The following JAKMIP3 variants were observed in gnomAD, a reference collection of about 807,000 sequenced individuals.
JAKMIP3 encodes Janus kinase and microtubule interacting protein 3, also known as janus kinase and microtubule-interacting protein 3.
In JAKMIP3, 58 loss-of-function variants were observed where a neutral mutation model predicts 118.5. The observed-to-expected ratio is 0.49, with a 90% CI of 0.40 to 0.61. The LOEUF (loss-of-function observed/expected upper bound fraction) is 0.61. Among genes scored for constraint, JAKMIP3 ranks in the 20% least tolerant of loss-of-function variants. The probability of loss-of-function intolerance (pLI) is 0.00; values close to 1 mark genes in which losing one functional copy is unlikely to be tolerated. For synonymous variants in JAKMIP3, 486 were observed against 451.2 expected, an observed-to-expected ratio of 1.08 and a Z score of -0.98; for missense variants, 950 against 1,109.0, an observed-to-expected ratio of 0.86 and a Z score of 2.04.
intron 3 of JAKMIP3, among the ~76,000 whole-genome samples, chr10:132,127,409 T>TGTGTGTGTGTGTGTGTGC (rs1554941605): frequency 1.3e-5 from 2 of 150,976 alleles, no homozygotes; most frequent in African/African-American, 4.9e-5. Flanking sequence ...TGTGTGTGTG[T>TGTGTGTGTGTGTGTGTGC]GTGTGTGTGC....
At chr10:132,157,583 C>T (rs1008147114) in intron 19 of JAKMIP3, among the ~76,000 whole-genome samples, 3 of 152,194 alleles carry the variant, frequency 2.0e-5, no homozygotes, top group African/African-American at 2.4e-5. Flanking sequence ...ACTTGCAGCC[C>T]AAACTTCCAC....
intron 3 of JAKMIP3, among the ~76,000 whole-genome samples, chr10:132,120,317 G>A (rs2048343189): frequency 6.6e-6 from 1 of 152,196 alleles, no homozygotes; most frequent in South Asian, 2.1e-4. Flanking sequence ...TCCTGCGGGG[G>A]AGGGATTGGC....
Position 132,140,557 on chromosome 10 carries a change from C to A in JAKMIP3, c.1451C>A (p.Thr484Asn). 1 of 1,603,444 alleles carries A rather than the reference C, an allele frequency of 6.2e-7. No homozygotes were observed. The highest frequency in any genetic ancestry group is 8.5e-7 in the Non-Finnish European group (1 of 1,178,004). ...QTDRTDQTPC[T>N]PDDDLEEGMA... Reference sequence around the variant, plus strand: ...GACAGGACGGACCAGACCCCGTGCACCCCGGACGATGACTTGGAGGAGGTA... The same window carrying A: ...GACAGGACGGACCAGACCCCGTGCAACCCGGACGATGACTTGGAGGAGGTA... The change falls in exon 10 of 24, where the codon ACC becomes AAC. Residue 484 changes from threonine (T) to asparagine (N), a missense_variant. Thr to Asn is a moderately conservative substitution (Grantham distance 65). Coordinates refer to ENST00000684848, the MANE Select transcript of JAKMIP3 (RefSeq NM_001323087.2).
At chr10:132,064,072 G>A (rs544437947), upstream of JAKMIP3, among the ~76,000 whole-genome samples, 1 of 152,164 alleles carries the variant, frequency 6.6e-6, no homozygotes, top group African/African-American at 2.4e-5. This position sits in a 1 kb window ranked among gnomAD's most constrained non-coding sequence, Gnocchi z 4.4. Flanking sequence ...TTGGACTGGG[G>A]ACATTTTTAA....
intron 1 of JAKMIP3, among the ~76,000 whole-genome samples, chr10:132,068,141 G>A (rs1489366571): frequency 2.0e-5 from 3 of 148,612 alleles, no homozygotes; most frequent in Non-Finnish European, 4.4e-5. Context: ...GGACTGGACT[G>A]TGGGTTTCTG....
intron 21 of JAKMIP3, 51 bp downstream of exon 21, chr10:132,164,786 A>C: frequency 2.5e-6 from 3 of 1,207,570 alleles, no homozygotes; most frequent in African/African-American, 1.5e-5. Flanking sequence ...AGGGAGAGGA[A>C]CCCGGTGTCA....
At chr10:132,050,802 C>G (rs1258259133) in intron 1 of JAKMIP3, among the ~76,000 whole-genome samples, 2 of 152,224 alleles carry the variant, frequency 1.3e-5, no homozygotes, top group African/African-American at 2.4e-5. Context: ...CCACATGCAC[C>G]ATTTTGGATG....
chr10:132,064,942 G>A (rs545027505), upstream of JAKMIP3, among the ~76,000 whole-genome samples: 70 of 152,296 alleles, frequency 4.6e-4, no homozygotes, highest in East Asian at 0.011. This position sits in a 1 kb window ranked among gnomAD's most constrained non-coding sequence, Gnocchi z 4.4. Context: ...GTTGTGGGGG[G>A]CAGGCAGGGT....
At position 132,145,503 on chromosome 10, in the gene JAKMIP3, A is replaced by T. The variant is rs200185848; in HGVS notation, c.1687-15A>T. On this transcript the variant is annotated splice_polypyrimidine_tract_variant and intron_variant, in intron 12 of 23. Coordinates refer to ENST00000684848, the MANE Select transcript of JAKMIP3 (RefSeq NM_001323087.2). ...CTCCCTCAGTGTCTTTATTTCTTTC[A>T]ATTCCATTTGCAAGGATATGAAGTG... 16 of 1,552,174 alleles carry T rather than the reference A, an allele frequency of 1.0e-5. No individual in the cohort carries two copies. The East Asian group carries it at 3.9e-4, about 38-fold the overall frequency.
chr10:132,079,684 A>G lies in JAKMIP3; in HGVS notation c.-138+13623A>G, dbSNP rs141676408. On this transcript the variant is annotated intron_variant, in intron 1 of 23. Coordinates refer to ENST00000684848, the MANE Select transcript of JAKMIP3 (RefSeq NM_001323087.2). ...GTATATTCACATTATTGTGAAACCA[A>G]TATCCAGAACTTTCTCATCTTGTAA... is the stretch of plus-strand genomic sequence containing the variant. Among the ~76,000 whole-genome samples the G allele has an allele frequency of 3.3e-5, 5 of 152,334 alleles. No individual in the cohort carries two copies. The East Asian group carries it at 9.7e-4, about 29-fold the overall frequency.
chr10:132,104,215 C>T (rs530269359), intron 1 of JAKMIP3, among the ~76,000 whole-genome samples: 8 of 152,232 alleles, frequency 5.3e-5, no homozygotes, highest in African/African-American at 1.2e-4. Context: ...CCCTGCTTTC[C>T]GCACTTCTGG....
At chr10:132,111,754 C>A (rs1429938989) in intron 2 of JAKMIP3, among the ~76,000 whole-genome samples, 2 of 152,108 alleles carry the variant, frequency 1.3e-5, no homozygotes, top group South Asian at 4.1e-4. Flanking sequence ...GACCTGACTT[C>A]TATTTGCATA....
chr10:132,058,019 G>A (rs987623570), intron 1 of JAKMIP3, among the ~76,000 whole-genome samples: 4 of 152,314 alleles, frequency 2.6e-5, no homozygotes, highest in Middle Eastern at 3.4e-3. Context: ...GGCCCCTGAC[G>A]ACTCAAGTCC....
intron 1 of JAKMIP3, among the ~76,000 whole-genome samples, chr10:132,068,633 C>A (rs2039321427): frequency 6.6e-6 from 1 of 152,172 alleles, no homozygotes; most frequent in South Asian, 2.1e-4. Flanking sequence ...TGTCCTGCAC[C>A]TTAGCCCCAG....
rs1171791727 is a variant in JAKMIP3, at chr10:132,078,406, C to T, written c.-138+12345C>T. Among the ~76,000 whole-genome samples the T allele has an allele frequency of 2.0e-5, 3 of 152,120 alleles. No individual in the cohort carries two copies. The East Asian group carries it at 5.8e-4, about 29-fold the overall frequency. ...TAAGCCTAGAAAGGCCTCTCCTCTC[C>T]AGAGATTTGAAAAATGCTCGCTTTT... On this transcript the variant is annotated intron_variant, in intron 1 of 23. Coordinates refer to ENST00000684848, the MANE Select transcript of JAKMIP3 (RefSeq NM_001323087.2).
At chr10:132,175,578 G>T (rs1038933462) in intron 23 of JAKMIP3, among the ~76,000 whole-genome samples, 1 of 152,114 alleles carries the variant, frequency 6.6e-6, no homozygotes, top group Non-Finnish European at 1.5e-5. Flanking sequence ...GGCCACTCAG[G>T]GTCTGGAAGC....
intron 9 of JAKMIP3, among the ~76,000 whole-genome samples, chr10:132,139,846 C>T (rs942909047): frequency 4.6e-5 from 7 of 152,050 alleles, no homozygotes; most frequent in Non-Finnish European, 1.0e-4. Context: ...ACTGTGGCCA[C>T]GGCAGAAGGG....
At position 132,112,084 on chromosome 10, in the gene JAKMIP3, G is replaced by A. The variant is rs1193970079; in HGVS notation, c.136-4993G>A. ...CATGGGATGCTCCAGGCTTGGGTCT[G>A]AGCAGCAGTGGCCGGGCTGCCCTTT... On this transcript the variant is annotated intron_variant, in intron 2 of 23. Coordinates refer to ENST00000684848, the MANE Select transcript of JAKMIP3 (RefSeq NM_001323087.2). This position sits in a 1 kb window ranked among gnomAD's most constrained non-coding sequence, Gnocchi z 4.3. Among the ~76,000 whole-genome samples, 3 of 152,138 alleles carry A rather than the reference G, an allele frequency of 2.0e-5. No individual in the cohort carries two copies. The highest frequency in any genetic ancestry group is 7.2e-5 in the African/African-American group (3 of 41,412).
At chr10:132,072,583 CTA>C (rs1308868745) in intron 1 of JAKMIP3, among the ~76,000 whole-genome samples, 2 of 152,036 alleles carry the variant, frequency 1.3e-5, no homozygotes, top group Non-Finnish European at 2.9e-5. Context: ...TGCCTTTCAA[CTA>C]TGTTGTTTAG....
Sources: allele counts gnomAD v4.1 joint callset (sites outside exome capture counted in the v4.1 genomes callset), GRCh38; gene constraint gnomAD v4.1.1; non-coding constraint Gnocchi (gnomAD v3.1); transcripts MANE v1.5; gene names NCBI Gene and HGNC (gene_info 2026-07-23, HGNC 2026-07-21).